The following OPCML variants were observed in gnomAD, a reference collection of about 807,000 sequenced individuals.
OPCML encodes opioid binding protein/cell adhesion molecule like.
Under a neutral mutation model 37.8 loss-of-function variants are expected in OPCML, and 13 were observed. The ratio of observed to expected loss-of-function variants is 0.34; its 90% CI spans 0.22 to 0.55. OPCML has a LOEUF of 0.55. OPCML is among the 20% of genes least tolerant of loss of function. The pLI is 0.91. For missense variants in OPCML, 341 were observed against 435.6 expected (o/e 0.78, Z 1.93); for synonymous variants, 176 against 168.8 (o/e 1.04, Z -0.33).
chr11:133,039,541 A>G (rs1416217599), intron 1 of OPCML, among the ~76,000 whole-genome samples: 1 of 152,056 alleles, frequency 6.6e-6, no homozygotes, highest in East Asian at 1.9e-4. Context: ...TGGTGGTCAT[A>G]GTGCACCCAT....
At chr11:132,933,571 T>C (rs1240160990) in intron 2 of OPCML, among the ~76,000 whole-genome samples, 1 of 101,608 alleles carries the variant, frequency 9.8e-6, no homozygotes, top group African/African-American at 3.1e-5. Context: ...AAAAGGGAGA[T>C]GTGTGTGTGT....
chr11:133,407,642 G>C (rs1945553525), intron 1 of OPCML, among the ~76,000 whole-genome samples: 1 of 152,166 alleles, frequency 6.6e-6, no homozygotes, highest in Admixed American at 6.5e-5. Flanking sequence ...CCTGTGCCCA[G>C]ACATGTTTCT....
In OPCML at chr11:133,483,919, C is replaced by T. The variant is rs1947457892; in HGVS notation, c.61+48345G>A. ...TAGATGAATAGATGATGGATAGATT[C>T]ATAGATGAAAGATAGATAGATTAGA... On this transcript the variant is annotated intron_variant, in intron 1 of 7. Coordinates refer to ENST00000524381, the MANE Select transcript of OPCML (RefSeq NM_001012393.5). 4.7e-5 allele frequency among the ~76,000 whole-genome samples: 7 copies of T among 150,260 alleles called. No homozygotes were observed. In the South Asian group the frequency reaches 1.3e-3, roughly 28 times the overall value.
intron 3 of OPCML, among the ~76,000 whole-genome samples, chr11:132,546,847 T>C (rs928904746): frequency 9.9e-5 from 15 of 152,224 alleles, no homozygotes; most frequent in African/African-American, 3.6e-4. Flanking sequence ...ACTGCTCTCA[T>C]ACACTGCACA....
At chr11:132,845,252 A>G (rs1341715231) in intron 2 of OPCML, among the ~76,000 whole-genome samples, 1 of 152,072 alleles carries the variant, frequency 6.6e-6, no homozygotes, top group African/African-American at 2.4e-5. Flanking sequence ...TAAAGTCAGC[A>G]CTTGAATTTC....
Position 133,358,015 on chromosome 11 carries a change from C to T in OPCML, c.61+174249G>A, listed in dbSNP as rs556649244. Among the ~76,000 whole-genome samples, 5 of 152,294 alleles carry T rather than the reference C, an allele frequency of 3.3e-5. No homozygotes were observed. The South Asian group carries it at 8.3e-4, about 25-fold the overall frequency. On this transcript the variant is annotated intron_variant, in intron 1 of 7. Transcript: ENST00000524381. The stretch of plus-strand genomic sequence containing the variant: ...CACCATAGACACTCCAGTGCGAGGG[C>T]CCCTCCAGTCTTCCCCCAGCCTTTC...
At chr11:132,509,561 G>C (rs529155079) in intron 4 of OPCML, among the ~76,000 whole-genome samples, 10 of 152,312 alleles carry the variant, frequency 6.6e-5, no homozygotes, top group African/African-American at 2.4e-4. Flanking sequence ...GCAGCCTAGG[G>C]ACTTGGTGCC....
chr11:132,531,324 G>A (rs1179856981), intron 3 of OPCML, among the ~76,000 whole-genome samples: 3 of 152,220 alleles, frequency 2.0e-5, no homozygotes, highest in Admixed American at 6.5e-5. Context: ...ATAACACAGA[G>A]AGTGGAGGCT....
At chr11:132,439,842 A>G (rs2096026411) in intron 4 of OPCML, among the ~76,000 whole-genome samples, 3 of 152,164 alleles carry the variant, frequency 2.0e-5, no homozygotes, top group South Asian at 2.1e-4. Context: ...AACCAAACAC[A>G]TGGGCTACCT....
chr11:132,999,933 A>G (rs967376259), intron 1 of OPCML, among the ~76,000 whole-genome samples: 2 of 152,220 alleles, frequency 1.3e-5, no homozygotes, highest in Non-Finnish European at 2.9e-5. Flanking sequence ...TGTTTCAGGA[A>G]GCCTGCTTGC....
chr11:132,709,852 C>T (rs1338101597), intron 2 of OPCML, among the ~76,000 whole-genome samples: 1 of 152,172 alleles, frequency 6.6e-6, no homozygotes, highest in Non-Finnish European at 1.5e-5. Context: ...GTGCGAATAT[C>T]CTGCTTCTCT....
intron 1 of OPCML, among the ~76,000 whole-genome samples, chr11:133,440,680 C>T (rs1436263358): frequency 6.7e-6 from 1 of 148,488 alleles, no homozygotes; most frequent in Non-Finnish European, 1.5e-5. Context: ...TGAGCCAAGA[C>T]CTCACCATGG....
rs377314500 is a variant in OPCML, at chr11:133,344,558, C to T, written c.61+187706G>A. 1.6e-4 allele frequency among the ~76,000 whole-genome samples: 25 copies of T among 152,232 alleles called. No homozygotes were observed. The East Asian group carries it at 4.9e-3, about 30-fold the overall frequency. On this transcript the variant is annotated intron_variant, in intron 1 of 7. Coordinates refer to ENST00000524381, the MANE Select transcript of OPCML (RefSeq NM_001012393.5). ...CCTGTGCATTACAAACTGCTGCTCA[C>T]TCTTCTTCCTTCACATGTGGCATGC...
intron 3 of OPCML, among the ~76,000 whole-genome samples, chr11:132,565,720 C>A (rs984822434): frequency 6.6e-5 from 10 of 152,188 alleles, no homozygotes; most frequent in Non-Finnish European, 1.2e-4. Flanking sequence ...ATTACCTAGA[C>A]CTGTTTAGCA....
At chr11:133,458,803 G>GTATATACACATAGATGCACGTGTGTGTA (rs1946784522) in intron 1 of OPCML, among the ~76,000 whole-genome samples, 1 of 147,284 alleles carries the variant, frequency 6.8e-6, no homozygotes, top group Non-Finnish European at 1.5e-5. Flanking sequence ...ACGTGTGTGT[G>GTATATACACATAGATGCACGTGTGTGTA]TATATACACA....
intron 1 of OPCML, among the ~76,000 whole-genome samples, chr11:133,003,198 G>C (rs1947042104): frequency 1.3e-5 from 2 of 152,176 alleles, no homozygotes. Context: ...CCACAAACAT[G>C]GTGGCTGAAA....
chr11:132,467,509 T>C (rs1432072793), intron 4 of OPCML, among the ~76,000 whole-genome samples: 1 of 152,248 alleles, frequency 6.6e-6, no homozygotes, highest in Admixed American at 6.5e-5. Flanking sequence ...CCTTGTTTTA[T>C]TATTTAAAGG....
chr11:133,062,490 C>T (rs1274011092), intron 1 of OPCML, among the ~76,000 whole-genome samples: 2 of 152,226 alleles, frequency 1.3e-5, no homozygotes, highest in Non-Finnish European at 2.9e-5. Flanking sequence ...AGAACCGAGG[C>T]TCAAGAGTCC....
chr11:133,031,034 A>AG (rs1338637679), intron 1 of OPCML, among the ~76,000 whole-genome samples: 1 of 152,204 alleles, frequency 6.6e-6, no homozygotes, highest in Non-Finnish European at 1.5e-5. Flanking sequence ...TAATTTCCAG[A>AG]GAAAAAAGGT....
Sources: gnomAD v4.1 joint callset for allele counts (sites outside exome capture counted in the v4.1 genomes callset) on GRCh38, gnomAD v4.1.1 for gene constraint, MANE v1.5 for transcripts, NCBI Gene and HGNC (gene_info 2026-07-23, HGNC 2026-07-21) for gene names.